RYR3: variants seen among roughly 807,000 people sequenced by gnomAD.
RYR3 encodes the protein brain ryanodine receptor-calcium release channel.
A neutral mutation model predicts 584.3 loss-of-function variants in RYR3; 207 were observed. That is an observed-to-expected ratio of 0.35 (90% CI 0.32 to 0.40). RYR3 has a LOEUF of 0.40. Among genes scored for constraint, RYR3 ranks in the 10% least tolerant of loss-of-function variants. The pLI is 1.00. For missense variants in RYR3, 5,616 were observed against 6,089.2 expected (o/e 0.92, Z 2.59); for synonymous variants, 2,416 against 2,248.5 (o/e 1.07, Z -2.11).
chr15:33,698,055 A>G, intron 40 of RYR3, 59 bp downstream of exon 40: 1 of 1,164,698 alleles, frequency 8.6e-7, no homozygotes. Context: ...GCACGAGGTG[A>G]CTTGTTCAGA....
chr15:33,313,999 C>G (rs1967723179), intron 1 of RYR3, among the ~76,000 whole-genome samples: 1 of 152,164 alleles, frequency 6.6e-6, no homozygotes, highest in South Asian at 2.1e-4. Context: ...GCTTTAGACA[C>G]TTATTTGTGG....
intron 1 of RYR3, among the ~76,000 whole-genome samples, chr15:33,394,306 G>A (rs751286285): frequency 2.6e-5 from 4 of 152,156 alleles, no homozygotes; most frequent in African/African-American, 7.2e-5. Context: ...CAAGCTTTTC[G>A]ATAGAATTCA....
intron 2 of RYR3, among the ~76,000 whole-genome samples, chr15:33,499,743 G>A (rs74976497): frequency 0.016 from 2,391 of 152,284 alleles, 62 homozygotes; most frequent in African/African-American, 0.054. Flanking sequence ...TAAGTTACCT[G>A]CATAATGTCA....
intron 1 of RYR3, among the ~76,000 whole-genome samples, chr15:33,430,348 G>A (rs928299212): frequency 6.6e-6 from 1 of 152,192 alleles, no homozygotes; most frequent in South Asian, 2.1e-4. Context: ...GCACATCGAG[G>A]CTATACATTG....
intron 90 of RYR3, among the ~76,000 whole-genome samples, chr15:33,841,616 A>C (rs570054131): frequency 5.0e-4 from 76 of 152,212 alleles, no homozygotes; most frequent in Non-Finnish European, 9.1e-4. Flanking sequence ...AAAATTGTTA[A>C]GTCTAATTTC....
chr15:33,461,789 T>G (rs542183914), intron 1 of RYR3, among the ~76,000 whole-genome samples: 117 of 152,318 alleles, frequency 7.7e-4, no homozygotes, highest in African/African-American at 2.6e-3. Context: ...CTCAGATTCT[T>G]CTGGTCCTGA....
chr15:33,549,766 G>T (rs1040365617), intron 9 of RYR3, among the ~76,000 whole-genome samples: 5 of 152,206 alleles, frequency 3.3e-5, no homozygotes, highest in African/African-American at 1.2e-4. Flanking sequence ...CTTTGTGGTA[G>T]TAATACGTTT....
intron 2 of RYR3, among the ~76,000 whole-genome samples, chr15:33,478,111 G>A (rs537381769): frequency 6.6e-5 from 10 of 151,808 alleles, no homozygotes; most frequent in Admixed American, 2.0e-4. Context: ...AGGGGGTTGG[G>A]GGGGGTGGTT....
chr15:33,605,720 T>C (rs7496234), intron 18 of RYR3, among the ~76,000 whole-genome samples: 23,158 of 152,140 alleles, frequency 0.15, 1,832 homozygotes, highest in Middle Eastern at 0.19. Flanking sequence ...GATTGGAATA[T>C]GTCAGGAATA....
chr15:33,608,424 A>G (rs181971633), intron 18 of RYR3, among the ~76,000 whole-genome samples: 1 of 152,328 alleles, frequency 6.6e-6, no homozygotes, highest in Admixed American at 6.5e-5. Flanking sequence ...TCTGCATGTG[A>G]GGAGATTTAT....
At chr15:33,840,775 A>T in intron 89 of RYR3, 50 bp from the exon 90 acceptor site, 5 of 1,574,560 alleles carry the variant, frequency 3.2e-6, no homozygotes, top group Non-Finnish European at 4.4e-6. Context: ...TCTCATCATC[A>T]TGACCTCGCT....
intron 37 of RYR3, 48 bp downstream of exon 37, chr15:33,669,504 T>A: frequency 4.0e-6 from 6 of 1,512,322 alleles, no homozygotes; most frequent in Non-Finnish European, 5.5e-6. Flanking sequence ...AAGAAGAGTC[T>A]GTTTTTGATT....
chr15:33,419,683 C>T (rs975411551), intron 1 of RYR3, among the ~76,000 whole-genome samples: 8 of 152,104 alleles, frequency 5.3e-5, no homozygotes, highest in African/African-American at 1.9e-4. Flanking sequence ...ATCTCTAAAA[C>T]TTTGCATTCG....
intron 1 of RYR3, among the ~76,000 whole-genome samples, chr15:33,375,910 A>G (rs1484979545): frequency 6.6e-6 from 1 of 152,096 alleles, no homozygotes; most frequent in Non-Finnish European, 1.5e-5. Context: ...TAAAAATACA[A>G]AAAATTAGCT....
chr15:33,473,631 G>C, intron 2 of RYR3, 93 bp downstream of exon 2: 1 of 1,279,146 alleles, frequency 7.8e-7, no homozygotes, highest in South Asian at 1.3e-5. Flanking sequence ...TGATGAGGAC[G>C]ACATTTGAAA....
intron 1 of RYR3, among the ~76,000 whole-genome samples, chr15:33,461,043 C>T (rs2047996030): frequency 6.7e-6 from 1 of 149,110 alleles, no homozygotes; most frequent in African/African-American, 2.5e-5. Context: ...CTCCCGGGTT[C>T]ACGCCATTCT....
intron 98 of RYR3, among the ~76,000 whole-genome samples, chr15:33,855,459 C>T (rs550629614): frequency 1.2e-4 from 19 of 152,366 alleles, no homozygotes; most frequent in African/African-American, 4.6e-4. Context: ...CCGCCTCGGC[C>T]TCCCGAAGTG....
chr15:33,382,318 G>GTTTTTTTTTTTTTT (rs1567133176), intron 1 of RYR3, among the ~76,000 whole-genome samples: 1 of 103,266 alleles, frequency 9.7e-6, no homozygotes, highest in African/African-American at 4.8e-5. Context: ...TTTAAAAGTG[G>GTTTTTTTTTTTTTT]CTTTTTTTTT....
intron 1 of RYR3, among the ~76,000 whole-genome samples, chr15:33,413,945 C>T (rs975231464): frequency 9.2e-5 from 14 of 152,166 alleles, no homozygotes; most frequent in African/African-American, 2.4e-4. Context: ...ATTCCAAGTA[C>T]GATGGCAGGC....
Sources: allele counts gnomAD v4.1 joint callset (sites outside exome capture counted in the v4.1 genomes callset), GRCh38; gene constraint gnomAD v4.1.1; transcripts MANE v1.5; gene names NCBI Gene and HGNC (gene_info 2026-07-23, HGNC 2026-07-21).